SCARA3: variants seen among roughly 807,000 people sequenced by gnomAD.
The protein encoded by SCARA3 is scavenger receptor class A member 3.
A neutral mutation model predicts 47.0 loss-of-function variants in SCARA3; 39 were observed. The observed-to-expected ratio is 0.83, with a 90% CI of 0.64 to 1.08. The LOEUF is 1.08. Among genes scored for constraint, SCARA3 ranks in the 50% least tolerant of loss-of-function variants. The pLI is 0.00. For missense variants in SCARA3, 724 were observed against 792.3 expected, an observed-to-expected ratio of 0.91 and a Z score of 1.04; for synonymous variants, 356 against 334.1, an observed-to-expected ratio of 1.07 and a Z score of -0.71.
chr8:27,640,153 A>C (rs1381154071), intron 1 of SCARA3, among the ~76,000 whole-genome samples: 5 of 152,224 alleles, frequency 3.3e-5, no homozygotes, highest in Non-Finnish European at 7.3e-5. Context: ...AGATGGTTAC[A>C]GACATAGACT....
In SCARA3 at chr8:27,672,897, G is replaced by T; in HGVS notation, c.*1546G>T. 1 of 985,724 alleles carries T rather than the reference G, an allele frequency of 1.0e-6. No homozygotes were observed. Among genetic ancestry groups the T allele is most frequent in the Non-Finnish European group, 1.2e-6 (1 of 830,166 alleles). 61.1% of individuals were successfully genotyped at this position (985,724 alleles called of 1,614,324 possible). A position where few individuals can be genotyped will look rare whatever the true frequency, so the allele number is the denominator to read the frequency against. ...GCTCAAAGCCTTTCCGCACCCTCCT[G>T]ACTGTCCTGGATGTGCAACTGGTTT... On this transcript the variant is annotated 3_prime_UTR_variant, in exon 6 of 6. Coordinates refer to ENST00000301904, the MANE Select transcript of SCARA3 (RefSeq NM_016240.3).
At chr8:27,715,770 C>T in the SCARA3 span, among the ~76,000 whole-genome samples, 1 of 151,288 alleles carries the variant, frequency 6.6e-6, no homozygotes, top group Non-Finnish European at 1.5e-5. The surrounding 1 kb of genome is among the most constrained non-coding windows in gnomAD (Gnocchi z 4.2). Flanking sequence ...TAGACAGACA[C>T]AGGCAGAGAT....
the SCARA3 span, among the ~76,000 whole-genome samples, chr8:27,723,783 T>G: frequency 5.3e-5 from 8 of 152,234 alleles, no homozygotes; most frequent in Non-Finnish European, 1.2e-4. Flanking sequence ...TCTCCCAGGC[T>G]GGAGTGCAAC....
chr8:27,714,417 AC>A, the SCARA3 span, among the ~76,000 whole-genome samples: 1 of 148,132 alleles, frequency 6.8e-6, no homozygotes, highest in Non-Finnish European at 1.5e-5. Context: ...CTAGTCTTGA[AC>A]TCCTGACCTT....
chr8:27,655,605 C>T (rs1045241490), intron 3 of SCARA3, among the ~76,000 whole-genome samples: 4 of 152,126 alleles, frequency 2.6e-5, no homozygotes, highest in African/African-American at 7.2e-5. Flanking sequence ...TCCCATAATT[C>T]TATTTTAAGC....
chr8:27,719,656 G>A, the SCARA3 span, among the ~76,000 whole-genome samples: 6 of 152,074 alleles, frequency 3.9e-5, no homozygotes, highest in Admixed American at 1.3e-4. Context: ...CAAAGGAGTC[G>A]AAAAGACTAA....
At chr8:27,642,816 C>T (rs575509265) in intron 1 of SCARA3, among the ~76,000 whole-genome samples, 1 of 152,102 alleles carries the variant, frequency 6.6e-6, no homozygotes, top group Non-Finnish European at 1.5e-5. Flanking sequence ...AGAGCAAGAC[C>T]TTGTCTATAA....
At chr8:27,679,042 GCTT>G (rs1563418113), downstream of SCARA3, among the ~76,000 whole-genome samples, 1 of 152,010 alleles carries the variant, frequency 6.6e-6, no homozygotes, top group African/African-American at 2.4e-5. Context: ...TTTGTGTCTA[GCTT>G]CTTTTCTTAA....
chr8:27,727,184 T>C, the SCARA3 span, among the ~76,000 whole-genome samples: 2 of 152,120 alleles, frequency 1.3e-5, no homozygotes, highest in African/African-American at 4.8e-5. Flanking sequence ...GTAGCTGGGA[T>C]TATAGGTGTG....
intron 1 of SCARA3, among the ~76,000 whole-genome samples, chr8:27,648,430 T>C (rs1801555017): frequency 2.0e-5 from 3 of 152,060 alleles, no homozygotes; most frequent in Admixed American, 6.5e-5. Context: ...TGGTGAAACC[T>C]CGTTTCTACT....
In SCARA3 at chr8:27,656,846, GC is replaced by G; in HGVS notation, c.292del (p.Val99CysfsTer2). 2.5e-6 allele frequency: 4 copies of G among 1,612,746 alleles called. No individual in the cohort carries two copies. The highest frequency in any genetic ancestry group is 2.5e-6 in the Non-Finnish European group (3 of 1,178,702). ...TGACCCAGTCTATTTATGACAAGAA[GC>G]TTGTGTTAATGCAGAAAAATCTCCA... The part of the protein sequence containing the change: ...SLTQSIYDKK[L>X]VLMQKNLQGL... On this transcript the variant is annotated frameshift_variant, in exon 4 of 6. Transcript: ENST00000301904. LOFTEE classifies it high-confidence loss of function.
chr8:27,731,175 C>G, the SCARA3 span, among the ~76,000 whole-genome samples: 3 of 150,854 alleles, frequency 2.0e-5, no homozygotes, highest in East Asian at 2.0e-4. Context: ...TCACAGCTCA[C>G]TGCAGAATCA....
At chr8:27,648,791 AAG>A (rs1289300620) in intron 1 of SCARA3, among the ~76,000 whole-genome samples, 1 of 101,938 alleles carries the variant, frequency 9.8e-6, no homozygotes, top group Non-Finnish European at 2.5e-5. Context: ...GAAAGAGATA[AAG>A]AGAGAGGGAG....
chr8:27,642,410 G>T (rs1487479850), intron 1 of SCARA3, among the ~76,000 whole-genome samples: 8 of 152,172 alleles, frequency 5.3e-5, no homozygotes, highest in South Asian at 4.1e-4. Context: ...TCATTGAAGC[G>T]GACGATCTCC....
intron 5 of SCARA3, among the ~76,000 whole-genome samples, chr8:27,666,290 A>G (rs1802013064): frequency 2.0e-5 from 3 of 152,182 alleles, no homozygotes; most frequent in African/African-American, 2.4e-5. Flanking sequence ...AAATGCCTGG[A>G]GGGGAAAAGA....
chr8:27,707,046 T>C, the SCARA3 span, among the ~76,000 whole-genome samples: 1 of 152,300 alleles, frequency 6.6e-6, no homozygotes, highest in African/African-American at 2.4e-5. Flanking sequence ...GGTCATGGAC[T>C]TGGGGCTCCA....
the SCARA3 span, among the ~76,000 whole-genome samples, chr8:27,689,843 G>T: frequency 0.084 from 12,821 of 152,200 alleles, 641 homozygotes; most frequent in East Asian, 0.22. Context: ...TTCCTTCTAG[G>T]CTGGGCACGG....
chr8:27,709,228 G>T, the SCARA3 span, among the ~76,000 whole-genome samples: 2 of 152,162 alleles, frequency 1.3e-5, no homozygotes, highest in African/African-American at 4.8e-5. Context: ...AGTCTTGTTG[G>T]GTGCAGGTTT....
downstream of SCARA3, among the ~76,000 whole-genome samples, chr8:27,675,337 C>G (rs1416242635): frequency 6.6e-6 from 1 of 152,230 alleles, no homozygotes; most frequent in Non-Finnish European, 1.5e-5. Context: ...TCCAGTGGGG[C>G]TGGGCTAGGC....
Sources: allele counts gnomAD v4.1 joint callset (sites outside exome capture counted in the v4.1 genomes callset), GRCh38; gene constraint gnomAD v4.1.1; non-coding constraint Gnocchi (gnomAD v3.1); transcripts MANE v1.5; gene names NCBI Gene and HGNC (gene_info 2026-07-23, HGNC 2026-07-21).